AGBL4: variants seen among roughly 807,000 people sequenced by gnomAD.
AGBL4 encodes AGBL carboxypeptidase 4.
AGBL4 carries 58 observed loss-of-function variants against 66.4 expected under a neutral mutation model. The ratio of observed to expected loss-of-function variants is 0.87; its 90% CI spans 0.71 to 1.09. AGBL4 has a LOEUF of 1.09. Among genes scored for constraint, AGBL4 ranks in the 50% least tolerant of loss-of-function variants. The pLI is 0.00. For synonymous variants in AGBL4, 234 were observed against 222.9 expected (o/e 1.05, Z -0.44); for missense variants, 579 against 631.0 (o/e 0.92, Z 0.88).
At chr1:48,789,079 G>A (rs976267519) in intron 6 of AGBL4, among the ~76,000 whole-genome samples, 10 of 152,036 alleles carry the variant, frequency 6.6e-5, no homozygotes, top group Non-Finnish European at 1.2e-4. Context: ...TATAGATGTA[G>A]CAACTGAGGT....
intron 3 of AGBL4, among the ~76,000 whole-genome samples, chr1:49,632,804 A>C (rs1042775977): frequency 2.1e-5 from 3 of 145,546 alleles, no homozygotes; most frequent in African/African-American, 7.8e-5. Context: ...TAGGCCACTA[A>C]TATTTGCTCA....
At chr1:49,011,971 T>A (rs929034370) in intron 5 of AGBL4, among the ~76,000 whole-genome samples, 2 of 151,328 alleles carry the variant, frequency 1.3e-5, no homozygotes, top group African/African-American at 4.9e-5. Context: ...GCATGGCACA[T>A]ATATACATAT....
At chr1:48,876,344 A>G (rs1649223823) in intron 5 of AGBL4, among the ~76,000 whole-genome samples, 1 of 152,074 alleles carries the variant, frequency 6.6e-6, no homozygotes, top group Admixed American at 6.6e-5. Flanking sequence ...AAAATCTTAC[A>G]CAGTCAGATG....
the AGBL4 span, among the ~76,000 whole-genome samples, chr1:48,524,767 A>G: frequency 1.3e-5 from 2 of 152,134 alleles, no homozygotes; most frequent in African/African-American, 4.8e-5. Context: ...ACATAATGGT[A>G]GCACACACAC....
intron 1 of AGBL4, among the ~76,000 whole-genome samples, chr1:49,896,829 A>G (rs1005380885): frequency 6.6e-5 from 10 of 152,088 alleles, no homozygotes; most frequent in African/African-American, 2.2e-4. Context: ...AGTGTGATAC[A>G]TCATATAAAC....
chr1:48,692,623 T>C (rs1341616589), intron 6 of AGBL4, among the ~76,000 whole-genome samples: 2 of 152,226 alleles, frequency 1.3e-5, no homozygotes, highest in Non-Finnish European at 2.9e-5. Flanking sequence ...GTGAGGACTG[T>C]GATATTCAGC....
intron 2 of AGBL4, among the ~76,000 whole-genome samples, chr1:49,757,031 G>A (rs1214963880): frequency 6.6e-6 from 1 of 152,148 alleles, no homozygotes; most frequent in East Asian, 1.9e-4. Flanking sequence ...TAATCCCCAA[G>A]TGTTGGTGAA....
intron 6 of AGBL4, among the ~76,000 whole-genome samples, chr1:48,722,570 T>C (rs1647169155): frequency 6.6e-6 from 1 of 152,098 alleles, no homozygotes; most frequent in Non-Finnish European, 1.5e-5. Context: ...TCAGTGTCAG[T>C]CTCTCTGGCT....
chr1:49,744,980 G>A (rs1014803823), intron 2 of AGBL4, among the ~76,000 whole-genome samples: 2 of 152,032 alleles, frequency 1.3e-5, no homozygotes, highest in Non-Finnish European at 2.9e-5. Flanking sequence ...TAGTATGATA[G>A]TAGTGAAGAA....
intron 3 of AGBL4, among the ~76,000 whole-genome samples, chr1:49,454,619 CT>C (rs1275185115): frequency 6.6e-6 from 1 of 151,686 alleles, no homozygotes; most frequent in East Asian, 1.9e-4. Flanking sequence ...ACATAATTAA[CT>C]GCCTACATTG....
At chr1:49,930,111 T>C (rs539394216) in intron 1 of AGBL4, among the ~76,000 whole-genome samples, 1 of 152,176 alleles carries the variant, frequency 6.6e-6, no homozygotes, top group South Asian at 2.1e-4. Flanking sequence ...AAATTATCCA[T>C]TTTTTAGAAT....
At chr1:49,174,271 A>T (rs1000668265) in intron 4 of AGBL4, among the ~76,000 whole-genome samples, 14 of 152,182 alleles carry the variant, frequency 9.2e-5, no homozygotes, top group African/African-American at 3.4e-4. Flanking sequence ...TAAAATCTCT[A>T]TATAGGTGAG....
chr1:49,540,375 A>T (rs1651914462), intron 3 of AGBL4, among the ~76,000 whole-genome samples: 1 of 152,056 alleles, frequency 6.6e-6, no homozygotes, highest in Admixed American at 6.6e-5. Context: ...TCAAATGCCA[A>T]CTCCTCTGTG....
chr1:49,893,787 G>C (rs1281121366), intron 1 of AGBL4, among the ~76,000 whole-genome samples: 1 of 152,208 alleles, frequency 6.6e-6, no homozygotes, highest in Non-Finnish European at 1.5e-5. Flanking sequence ...CCTGGGTCCT[G>C]GAGGAGCTTG....
At chr1:49,138,277 A>G (rs1282494485) in intron 4 of AGBL4, among the ~76,000 whole-genome samples, 4 of 152,158 alleles carry the variant, frequency 2.6e-5, no homozygotes, top group Admixed American at 6.5e-5. Flanking sequence ...AGGAAAAAGA[A>G]CCAAAGGAGG....
intron 1 of AGBL4, among the ~76,000 whole-genome samples, chr1:50,003,105 T>A (rs1357582637): frequency 6.6e-6 from 1 of 152,140 alleles, no homozygotes; most frequent in Non-Finnish European, 1.5e-5. Flanking sequence ...TTGCTTATAA[T>A]CTTATGAGGA....
chr1:49,811,949 T>C (rs570896818), intron 2 of AGBL4, among the ~76,000 whole-genome samples: 2 of 152,352 alleles, frequency 1.3e-5, no homozygotes, highest in East Asian at 1.9e-4. Context: ...CCCTACGTCA[T>C]GTTGCCTCCA....
Position 49,847,672 on chromosome 1 carries a change from T to A in AGBL4, c.157+3724A>T, listed in dbSNP as rs532600645. ...GCAAAGGACATGAATAAATATTTTT[T>A]AAAAAAGAACATTACAAATGGCAAA... On this transcript the variant is annotated intron_variant, in intron 2 of 13. Coordinates refer to ENST00000371839, the MANE Select transcript of AGBL4 (RefSeq NM_032785.4). Among the ~76,000 whole-genome samples the A allele has an allele frequency of 1.4e-3, 211 of 150,358 alleles. 1 individual carries two copies. Among genetic ancestry groups the A allele is most frequent in the African/African-American group, 4.8e-3 (196 of 41,178 alleles).
chr1:48,531,535 C>T (rs1296202693), downstream of AGBL4, among the ~76,000 whole-genome samples: 1 of 152,156 alleles, frequency 6.6e-6, no homozygotes, highest in African/African-American at 2.4e-5. Context: ...AGGAACCCAT[C>T]CAGTGGTTGG....
Sources: gnomAD v4.1 joint callset for allele counts (sites outside exome capture counted in the v4.1 genomes callset) on GRCh38, gnomAD v4.1.1 for gene constraint, MANE v1.5 for transcripts, NCBI Gene and HGNC (gene_info 2026-07-23, HGNC 2026-07-21) for gene names.